Variants in DYNC1I1 observed in about 807,000 individuals in gnomAD.
DYNC1I1 encodes cytoplasmic dynein 1 intermediate chain 1.
Under a neutral mutation model 86.6 loss-of-function variants are expected in DYNC1I1, and 43 were observed. The ratio of observed to expected loss-of-function variants is 0.50; its 90% confidence interval spans 0.39 to 0.64. DYNC1I1 has a LOEUF of 0.64. DYNC1I1 is among the 30% of genes least tolerant of loss of function. The pLI, the probability that DYNC1I1 is intolerant of heterozygous loss-of-function variation, is 0.00. For synonymous variants in DYNC1I1, 262 were observed against 283.7 expected (o/e 0.92, Z 0.77); for missense variants, 604 against 788.8 (o/e 0.77, Z 2.81).
chr7:95,779,815 C>T (rs1281707031), intron 1 of DYNC1I1, among the ~76,000 whole-genome samples: 4 of 152,148 alleles, frequency 2.6e-5, no homozygotes, highest in Non-Finnish European at 5.9e-5. Context: ...AAAACATTCA[C>T]TTCCTGAAAT....
intron 16 of DYNC1I1, among the ~76,000 whole-genome samples, chr7:96,082,436 A>T (rs1403211436): frequency 6.6e-6 from 1 of 152,194 alleles, no homozygotes; most frequent in East Asian, 1.9e-4. Flanking sequence ...TAAAATTTAA[A>T]AACTCTTTGC....
chr7:96,006,606 AACATC>A (rs1256614180), intron 10 of DYNC1I1, among the ~76,000 whole-genome samples: 4 of 152,220 alleles, frequency 2.6e-5, no homozygotes, highest in African/African-American at 7.2e-5. Context: ...AGTTCTGTAA[AACATC>A]ACAAATTTGG....
chr7:95,813,018 T>G (rs756056565), intron 3 of DYNC1I1, among the ~76,000 whole-genome samples: 10 of 152,052 alleles, frequency 6.6e-5, no homozygotes, highest in Non-Finnish European at 1.0e-4. Flanking sequence ...ATCCCTAGGT[T>G]AATTCTGTCT....
intron 14 of DYNC1I1, among the ~76,000 whole-genome samples, chr7:96,042,896 T>C (rs932070261): frequency 6.6e-6 from 1 of 152,154 alleles, no homozygotes; most frequent in East Asian, 1.9e-4. Flanking sequence ...GGACTGTGGC[T>C]CACACCTGTG....
intron 4 of DYNC1I1, among the ~76,000 whole-genome samples, chr7:95,821,134 A>G (rs1477275797): frequency 7.2e-5 from 11 of 152,266 alleles, no homozygotes; most frequent in Admixed American, 7.2e-4. Flanking sequence ...AAAGCCAGGT[A>G]AAGAATATTC....
chr7:96,035,555 C>T, intron 12 of DYNC1I1, 64 bp from the exon 13 acceptor site: 6 of 1,497,596 alleles, frequency 4.0e-6, no homozygotes, highest in African/African-American at 2.9e-5. Context: ...ATGATTTTTC[C>T]GTGCTATCTT....
Position 96,049,218 on chromosome 7 carries a change from A to C in DYNC1I1, c.1509+9797A>C, listed in dbSNP as rs183141919. Among the ~76,000 whole-genome samples the C allele has an allele frequency of 3.3e-3, 476 of 146,330 alleles. 3 individuals carry two copies. Among genetic ancestry groups the C allele is most frequent in the African/African-American group, 0.011 (415 of 39,188 alleles). On this transcript the variant is annotated intron_variant, in intron 14 of 16. Coordinates refer to ENST00000447467, the MANE Select transcript of DYNC1I1 (RefSeq NM_001135556.2). ...GCTTGCAGTGAGCCAAGAGTGTGCC[A>C]CTGCACTCCAGCCTGGGTGACAGAG...
chr7:95,821,704 A>T (rs760542139), intron 4 of DYNC1I1, among the ~76,000 whole-genome samples: 6 of 152,050 alleles, frequency 3.9e-5, no homozygotes, highest in Non-Finnish European at 7.4e-5. Context: ...TATTATTATT[A>T]TTATTGACGC....
chr7:95,962,736 G>A (rs140212881), intron 6 of DYNC1I1, among the ~76,000 whole-genome samples: 168 of 152,278 alleles, frequency 1.1e-3, no homozygotes, highest in African/African-American at 3.9e-3. Flanking sequence ...TTGTTTACAT[G>A]CCACATAACA....
At chr7:95,978,041 T>C (rs1017523477) in intron 7 of DYNC1I1, among the ~76,000 whole-genome samples, 1 of 152,210 alleles carries the variant, frequency 6.6e-6, no homozygotes, top group Non-Finnish European at 1.5e-5. Flanking sequence ...AAATTTTTCT[T>C]CTGCAACTCT....
At chr7:95,848,015 A>G (rs1789479472) in intron 5 of DYNC1I1, among the ~76,000 whole-genome samples, 1 of 152,064 alleles carries the variant, frequency 6.6e-6, no homozygotes, top group Non-Finnish European at 1.5e-5. Flanking sequence ...AATTGTATGT[A>G]TTTACCATCT....
intron 10 of DYNC1I1, among the ~76,000 whole-genome samples, chr7:95,997,897 A>G (rs1194615435): frequency 2.0e-5 from 3 of 152,164 alleles, no homozygotes; most frequent in African/African-American, 7.2e-5. Context: ...CTGGCTGCCA[A>G]AGAAAAACAA....
Position 96,098,359 on chromosome 7 carries a change from C to T in DYNC1I1, c.*766C>T, listed in dbSNP as rs998205261. The T allele has an allele frequency of 8.1e-6, 8 of 985,682 alleles. No homozygotes were observed. Among genetic ancestry groups the T allele is most frequent in the Middle Eastern group, 5.2e-4 (1 of 1,914 alleles). The allele number at this position is 985,682 out of a possible 1,614,324, so 61.1% of individuals were successfully genotyped here. A position where few individuals can be genotyped will look rare whatever the true frequency, so the allele number is the denominator to read the frequency against. ...CTAATACTTCTCACTGAAGCTAACA[C>T]AGTCTGACAAAAGTCTATGGTTCCT... On this transcript the variant is annotated 3_prime_UTR_variant, in exon 17 of 17. Coordinates refer to ENST00000447467, the MANE Select transcript of DYNC1I1 (RefSeq NM_001135556.2).
At chr7:96,062,336 G>A (rs1427357922) in intron 14 of DYNC1I1, among the ~76,000 whole-genome samples, 3 of 152,144 alleles carry the variant, frequency 2.0e-5, no homozygotes, top group East Asian at 1.9e-4. Context: ...ACATGTTTTG[G>A]TTGTTTGCTA....
At chr7:95,843,672 A>G (rs1386842358) in intron 5 of DYNC1I1, among the ~76,000 whole-genome samples, 1 of 152,216 alleles carries the variant, frequency 6.6e-6, no homozygotes, top group Non-Finnish European at 1.5e-5. Flanking sequence ...ATGGCAGCAG[A>G]GAGAAAAAAG....
rs755587205 is a variant in DYNC1I1, at chr7:96,076,098, T to C, written c.1551T>C (p.Tyr517=). The C allele has an allele frequency of 6.2e-7, 1 of 1,614,208 alleles. No individual in the cohort carries two copies. Among genetic ancestry groups the C allele is most frequent in the Non-Finnish European group, 8.5e-7 (1 of 1,180,042 alleles). Residue 517 remains tyrosine, a synonymous_variant, in exon 15 of 17, where the codon TAT becomes TAC. Transcript: ENST00000447467. ...ACTCCTTTGAAGACAATGCAGACTA[T>C]GTGTACGATGTCATGTGGTCCCCCG... The part of the protein sequence containing the change: ...PLYSFEDNAD[Y]VYDVMWSPVH...
intron 6 of DYNC1I1, among the ~76,000 whole-genome samples, chr7:95,899,759 AG>A (rs1477566522): frequency 6.6e-6 from 1 of 152,172 alleles, no homozygotes; most frequent in East Asian, 1.9e-4. Flanking sequence ...TAAAGCACGG[AG>A]GGGAAGAAAA....
At chr7:95,892,465 C>T (rs933361895) in intron 6 of DYNC1I1, among the ~76,000 whole-genome samples, 2 of 152,224 alleles carry the variant, frequency 1.3e-5, no homozygotes, top group Middle Eastern at 3.2e-3. Context: ...TGCCTGCCAC[C>T]ACGCCCAGCT....
At chr7:95,856,375 A>C (rs890497496) in intron 5 of DYNC1I1, among the ~76,000 whole-genome samples, 6 of 152,340 alleles carry the variant, frequency 3.9e-5, no homozygotes, top group South Asian at 2.1e-4. Flanking sequence ...GAGGCTCTTC[A>C]TTAGAAATGT....
Sources: allele counts gnomAD v4.1 joint callset (sites outside exome capture counted in the v4.1 genomes callset), GRCh38; gene constraint gnomAD v4.1.1; transcripts MANE v1.5; gene names NCBI Gene and HGNC (gene_info 2026-07-23, HGNC 2026-07-21).